RFC1: variants seen among roughly 807,000 people sequenced by gnomAD.
RFC1 encodes A1 140 kDa subunit.
In RFC1, 37 loss-of-function variants were observed where a neutral mutation model predicts 137.4. The observed-to-expected ratio is 0.27, with a 90% confidence interval of 0.21 to 0.35. The LOEUF (loss-of-function observed/expected upper bound fraction) is 0.35, where lower values mean the gene tolerates loss of function less well. RFC1 is among the 10% of genes least tolerant of loss of function. The pLI is 1.00. For missense variants in RFC1, 1,205 were observed against 1,358.5 expected, an observed-to-expected ratio of 0.89 and a Z score of 1.78; for synonymous variants, 429 against 455.7, an observed-to-expected ratio of 0.94 and a Z score of 0.75.
At chr4:39,308,554 T>C in intron 13 of RFC1, 82 bp downstream of exon 13, 1 of 1,508,218 alleles carries the variant, frequency 6.6e-7, no homozygotes, top group Non-Finnish European at 8.9e-7. Context: ...GAATGAATCG[T>C]TAGATTTTCT....
intron 2 of RFC1, among the ~76,000 whole-genome samples, chr4:39,348,135 A>G (rs530679476): frequency 2.0e-5 from 3 of 152,106 alleles, no homozygotes; most frequent in African/African-American, 7.2e-5. Context: ...AAAATGAAAA[A>G]GCAAGTTCTA....
chr4:39,321,958 T>TA (rs5857673), intron 7 of RFC1: 57,524 of 152,036 alleles, frequency 0.38, 13,037 homozygotes, highest in East Asian at 0.63. Flanking sequence ...ACCTGCCTGT[T>TA]TAGTCTTAGC....
At chr4:39,308,178 T>G (rs1204537995) in intron 13 of RFC1, among the ~76,000 whole-genome samples, 1 of 152,168 alleles carries the variant, frequency 6.6e-6, no homozygotes, top group Non-Finnish European at 1.5e-5. Context: ...CCCTTGCCAC[T>G]CAGGGGTCTT....
chr4:39,353,397 CAAAAAAA>C (rs11416030), intron 1 of RFC1, among the ~76,000 whole-genome samples: 4 of 63,518 alleles, frequency 6.3e-5, no homozygotes, highest in African/African-American at 1.8e-4. Flanking sequence ...GAGACTGTCT[CAAAAAAA>C]AAAAAAAAAA....
At chr4:39,296,901 C>A (rs17335403) in intron 21 of RFC1, among the ~76,000 whole-genome samples, 33 of 149,796 alleles carry the variant, frequency 2.2e-4, no homozygotes, top group African/African-American at 7.7e-4. Context: ...TCTCCACATC[C>A]TCTCCAGCAC....
At chr4:39,342,693 C>A (rs1560616155) in intron 3 of RFC1, among the ~76,000 whole-genome samples, 1 of 152,134 alleles carries the variant, frequency 6.6e-6, no homozygotes, top group Non-Finnish European at 1.5e-5. Context: ...AACTAAGCCA[C>A]TAAATTTATT....
intron 13 of RFC1, 35 bp downstream of exon 13, chr4:39,308,599 TAC>T (rs766489785): frequency 6.3e-7 from 1 of 1,585,562 alleles, no homozygotes. Flanking sequence ...CATGTTGATA[TAC>T]ACACACACAA....
At chr4:39,311,390 A>G in intron 12 of RFC1, 55 bp downstream of exon 12, 1 of 1,437,020 alleles carries the variant, frequency 7.0e-7, no homozygotes, top group Non-Finnish European at 9.8e-7. Flanking sequence ...ACATATGTCT[A>G]TGAAATTAAA....
intron 1 of RFC1, among the ~76,000 whole-genome samples, chr4:39,352,220 A>G (rs1032691721): frequency 1.3e-5 from 2 of 152,314 alleles, no homozygotes; most frequent in South Asian, 2.1e-4. Flanking sequence ...ATACTCCAGT[A>G]TGAAAGAATA....
In RFC1 at chr4:39,329,062, T is replaced by C. The variant is rs558844931; in HGVS notation, c.332-1306A>G. Among the ~76,000 whole-genome samples the C allele has an allele frequency of 7.2e-5, 9 of 125,314 alleles. No individual in the cohort carries two copies. The East Asian group carries it at 2.0e-3, about 28-fold the overall frequency. The allele number at this position is 125,314 out of a possible 152,430, so 82.2% of individuals were successfully genotyped here. A position where few individuals can be genotyped will look rare whatever the true frequency, so the allele number is the denominator to read the frequency against. ...TTAAGCATTCATGACAACGTTTAGATAATTAGGAGCTCCAAAAATGTACCT... is the reference window on the plus strand; with the variant it reads ...TTAAGCATTCATGACAACGTTTAGACAATTAGGAGCTCCAAAAATGTACCT... On this transcript the variant is annotated intron_variant, in intron 4 of 24. Transcript: ENST00000349703.
intron 19 of RFC1, among the ~76,000 whole-genome samples, chr4:39,301,686 C>T (rs1317865728): frequency 6.6e-6 from 1 of 152,206 alleles, no homozygotes; most frequent in East Asian, 1.9e-4. Context: ...GTGGCTCACA[C>T]CTATAATCCC....
At chr4:39,315,266 A>C (rs1223845548) in intron 10 of RFC1, among the ~76,000 whole-genome samples, 1 of 152,228 alleles carries the variant, frequency 6.6e-6, no homozygotes, top group Non-Finnish European at 1.5e-5. Flanking sequence ...AGCATGACAG[A>C]CTTAACTACT....
In RFC1 at chr4:39,329,873, A is replaced by G. The variant is rs148687830; in HGVS notation, c.332-2117T>C. Among the ~76,000 whole-genome samples the G allele has an allele frequency of 5.4e-4, 82 of 152,236 alleles. 1 individual carries two copies. The highest frequency in any genetic ancestry group is 1.9e-3 in the African/African-American group (77 of 41,542). On this transcript the variant is annotated intron_variant, in intron 4 of 24. Coordinates refer to ENST00000349703, the MANE Select transcript of RFC1 (RefSeq NM_002913.5). ...AACATGGTGAGAGCCCGTCTCTACTAAAAACATAAAAATTAGCTGGGCGTG... is the reference window on the plus strand; with the variant it reads ...AACATGGTGAGAGCCCGTCTCTACTGAAAACATAAAAATTAGCTGGGCGTG...
intron 2 of RFC1, 67 bp downstream of exon 2, chr4:39,351,281 A>ACTTACAAT: frequency 3.6e-6 from 2 of 547,980 alleles, no homozygotes; most frequent in Non-Finnish European, 2.7e-6. Context: ...AAAAAAAAAA[A>ACTTACAAT]AAAACTTATA....
At chr4:39,304,949 C>T (rs905557486) in intron 14 of RFC1, 21 bp from the exon 15 acceptor site, 2 of 1,387,322 alleles carry the variant, frequency 1.4e-6, no homozygotes, top group Admixed American at 1.7e-5. Context: ...TATTGGAAAC[C>T]ACTGAAGGCA....
In RFC1 at chr4:39,320,650, T is replaced by G. The variant is rs751390860; in HGVS notation, c.828A>C (p.Ser276=). 12 of 1,581,246 alleles carry G rather than the reference T, an allele frequency of 7.6e-6. No homozygotes were observed. Among genetic ancestry groups the G allele is most frequent in the Non-Finnish European group, 8.5e-6 (10 of 1,170,130 alleles). Residue 276 remains serine, a synonymous_variant, in exon 9 of 25, where the codon TCA becomes TCC. Coordinates refer to ENST00000349703, the MANE Select transcript of RFC1 (RefSeq NM_002913.5). ...YPHKVKTAQV[S]DERKSYSPRK... Reference sequence around the variant, plus strand: ...TAGGACTGTAGCTCTTTCTTTCATCTGAAACTTGTGCTGTTTTTACTAGGA... The same window carrying G: ...TAGGACTGTAGCTCTTTCTTTCATCGGAAACTTGTGCTGTTTTTACTAGGA...
chr4:39,304,792 A>G (rs1438479125), intron 15 of RFC1, 22 bp downstream of exon 15: 2 of 1,289,722 alleles, frequency 1.6e-6, no homozygotes, highest in Non-Finnish European at 2.3e-6. Flanking sequence ...TAACAACAAC[A>G]GGAGGTCAAA....
intron 15 of RFC1, among the ~76,000 whole-genome samples, chr4:39,303,598 C>T (rs1475480353): frequency 1.3e-5 from 2 of 152,084 alleles, no homozygotes; most frequent in African/African-American, 4.8e-5. Context: ...AGATTACAGG[C>T]GCACGCCACC....
At chr4:39,365,832 A>T (rs914963805) in intron 1 of RFC1, among the ~76,000 whole-genome samples, 2 of 152,316 alleles carry the variant, frequency 1.3e-5, no homozygotes, top group African/African-American at 4.8e-5. Context: ...AGTTTGTTAC[A>T]TTCTTCTCCC....
Sources: allele counts gnomAD v4.1 joint callset (sites outside exome capture counted in the v4.1 genomes callset), GRCh38; gene constraint gnomAD v4.1.1; transcripts MANE v1.5; gene names NCBI Gene and HGNC (gene_info 2026-07-23, HGNC 2026-07-21).